Variants in DLEU7 observed in about 807,000 individuals in gnomAD.
DLEU7 encodes the protein leukemia-associated protein 7.
DLEU7 carries 17 observed loss-of-function variants against 16.0 expected under a neutral mutation model. That is an observed-to-expected ratio of 1.06 (90% CI 0.73 to 1.59). The LOEUF (loss-of-function observed/expected upper bound fraction) is 1.59, where lower values mean the gene tolerates loss of function less well. DLEU7 is among the 40% of genes most tolerant of loss of function. DLEU7 has a pLI of 0.00. For synonymous variants in DLEU7, 113 were observed against 139.8 expected, an observed-to-expected ratio of 0.81 and a Z score of 1.35; for missense variants, 308 against 314.9, an observed-to-expected ratio of 0.98 and a Z score of 0.17.
At chr13:50,714,418 G>A (rs1247642219) in intron 1 of DLEU7, among the ~76,000 whole-genome samples, 4 of 152,132 alleles carry the variant, frequency 2.6e-5, no homozygotes, top group Admixed American at 2.0e-4. Context: ...AACCTAAAAC[G>A]GTAAGCCATT....
chr13:50,719,560 C>A (rs1043445094), intron 1 of DLEU7: 1 of 152,080 alleles, frequency 6.6e-6, no homozygotes, highest in Non-Finnish European at 1.5e-5. Context: ...GAGAATAATG[C>A]GGCAGCTGTT....
At chr13:50,737,185 T>C (rs779508554) in intron 1 of DLEU7, among the ~76,000 whole-genome samples, 1 of 152,080 alleles carries the variant, frequency 6.6e-6, no homozygotes, top group Non-Finnish European at 1.5e-5. Flanking sequence ...AAGAAAAAAC[T>C]GCTAGACTGA....
At chr13:50,797,217 A>T (rs1486631889) in intron 1 of DLEU7, among the ~76,000 whole-genome samples, 2 of 152,118 alleles carry the variant, frequency 1.3e-5, no homozygotes, top group Non-Finnish European at 2.9e-5. Context: ...GTTGGCATGA[A>T]AAAGCGTGCT....
rs1566247247 is a variant in DLEU7 at position 50,774,305 on chromosome 13, C to G, written c.460-61065G>C. On this transcript the variant is annotated intron_variant, in intron 1 of 1. Transcript: ENST00000400393. Reference sequence around the variant, plus strand: ...TCCAACCAGTCCCAGTGAGATGAACCAGCTACTACAGTTGGAAATGCAGAA... The same window carrying G: ...TCCAACCAGTCCCAGTGAGATGAACGAGCTACTACAGTTGGAAATGCAGAA... 2.0e-5 allele frequency among the ~76,000 whole-genome samples: 3 copies of G among 152,294 alleles called. 1 individual carries two copies. The Middle Eastern group carries it at 0.01, about 518-fold the overall frequency.
At chr13:50,793,353 C>G (rs7320482) in intron 1 of DLEU7, among the ~76,000 whole-genome samples, 62,035 of 151,826 alleles carry the variant, frequency 0.41, 12,869 homozygotes, top group South Asian at 0.53. Flanking sequence ...ACATATTTTC[C>G]TTTGGGTAGA....
chr13:50,842,653 G>T (rs1877706904), intron 1 of DLEU7, among the ~76,000 whole-genome samples: 1 of 152,148 alleles, frequency 6.6e-6, no homozygotes, highest in Non-Finnish European at 1.5e-5. Flanking sequence ...TGAGAATGTA[G>T]GTTGACTCTG....
At chr13:50,790,297 T>A (rs539010126) in intron 1 of DLEU7, among the ~76,000 whole-genome samples, 1 of 152,240 alleles carries the variant, frequency 6.6e-6, no homozygotes, top group South Asian at 2.1e-4. Context: ...CTTTCTTTTG[T>A]TAAAAATAAA....
At chr13:50,834,015 C>T (rs1169729669) in intron 1 of DLEU7, among the ~76,000 whole-genome samples, 1 of 152,140 alleles carries the variant, frequency 6.6e-6, no homozygotes, top group Non-Finnish European at 1.5e-5. Flanking sequence ...GGACCCCTTC[C>T]TTACAGCTTA....
intron 1 of DLEU7, among the ~76,000 whole-genome samples, chr13:50,774,676 A>AT (rs997012516): frequency 1.5e-4 from 22 of 151,440 alleles, no homozygotes; most frequent in African/African-American, 4.8e-4. Context: ...TATAGTTGCA[A>AT]TTTTTTTTCT....
chr13:50,809,865 T>C (rs1876512240), intron 1 of DLEU7, among the ~76,000 whole-genome samples: 1 of 152,100 alleles, frequency 6.6e-6, no homozygotes, highest in African/African-American at 2.4e-5. Context: ...ATAAACAATG[T>C]TCATTCACCA....
exon 2 of DLEU7, chr13:50,713,163 G>A: frequency 6.3e-7 from 1 of 1,595,748 alleles, no homozygotes; most frequent in Admixed American, 1.7e-5. Flanking sequence ...ATTTGGCACT[G>A]GTTATTGAAA....
intron 1 of DLEU7, among the ~76,000 whole-genome samples, chr13:50,738,271 A>G (rs958773230): frequency 3.9e-5 from 6 of 152,168 alleles, no homozygotes; most frequent in African/African-American, 1.2e-4. Flanking sequence ...ACTTTTCTAT[A>G]TGTCTGAAAT....
rs553948395 is a variant in DLEU7 at position 50,801,498 on chromosome 13, G to C, written c.459+41690C>G. On this transcript the variant is annotated intron_variant, in intron 1 of 1. Coordinates refer to the DLEU7 transcript ENST00000400393. ...CATAATGCATCCAGTTAAGGCAAGA[G>C]ATTGACGACTCAACACTGACCTCCA... Among the ~76,000 whole-genome samples, 10 of 152,242 alleles carry C rather than the reference G, an allele frequency of 6.6e-5. No individual in the cohort carries two copies. In the East Asian group the frequency reaches 1.9e-3, roughly 29 times the overall value.
intron 1 of DLEU7, among the ~76,000 whole-genome samples, chr13:50,784,423 A>G (rs1293210431): frequency 6.6e-6 from 1 of 152,174 alleles, no homozygotes; most frequent in Non-Finnish European, 1.5e-5. Flanking sequence ...GGTTCTTCTG[A>G]ATTGTTCACT....
At chr13:50,829,508 A>G (rs1249767333) in intron 1 of DLEU7, among the ~76,000 whole-genome samples, 1 of 152,156 alleles carries the variant, frequency 6.6e-6, no homozygotes. Context: ...GTGGGCAGAA[A>G]ACCTGAAGTC....
intron 1 of DLEU7, among the ~76,000 whole-genome samples, chr13:50,755,729 G>A (rs1025637019): frequency 1.3e-5 from 2 of 148,780 alleles, no homozygotes; most frequent in African/African-American, 5.1e-5. Context: ...ATCCATTGCT[G>A]GTGAGCTAAT....
intron 1 of DLEU7, among the ~76,000 whole-genome samples, chr13:50,776,851 C>T (rs1875514375): frequency 6.6e-6 from 1 of 152,140 alleles, no homozygotes; most frequent in Admixed American, 6.5e-5. Flanking sequence ...TGTTTGTAAG[C>T]AGCCTAATCA....
At chr13:50,734,664 GGAA>G (rs1289189320) in intron 1 of DLEU7, among the ~76,000 whole-genome samples, 1 of 152,048 alleles carries the variant, frequency 6.6e-6, no homozygotes, top group East Asian at 1.9e-4. Flanking sequence ...GATAAAAATA[GGAA>G]GAAGATGAGG....
At chr13:50,822,493 T>C (rs1876937296), downstream of DLEU7, 1 of 306,718 alleles carries the variant, frequency 3.3e-6, no homozygotes, top group African/African-American at 3.5e-5. Flanking sequence ...GGACTGTTGT[T>C]GAAAAAAAAA....
Sources: allele counts gnomAD v4.1 joint callset (sites outside exome capture counted in the v4.1 genomes callset), GRCh38; gene constraint gnomAD v4.1.1; transcripts MANE v1.5; gene names NCBI Gene and HGNC (gene_info 2026-07-23, HGNC 2026-07-21).